The following NKAIN2 variants were observed in gnomAD, a reference collection of about 807,000 sequenced individuals.
NKAIN2 encodes sodium/potassium-transporting ATPase subunit beta-1-interacting protein 2.
Under a neutral mutation model 32.6 loss-of-function variants are expected in NKAIN2, and 14 were observed. The ratio of observed to expected loss-of-function variants is 0.43; its 90% CI spans 0.28 to 0.67. The LOEUF is 0.67. Among genes scored for constraint, NKAIN2 ranks in the 30% least tolerant of loss-of-function variants. NKAIN2 has a pLI of 0.17. For missense variants in NKAIN2, 198 were observed against 258.3 expected, an observed-to-expected ratio of 0.77 and a Z score of 1.60; for synonymous variants, 80 against 87.2, an observed-to-expected ratio of 0.92 and a Z score of 0.46.
At chr6:124,358,763 G>T (rs1292980526) in intron 3 of NKAIN2, among the ~76,000 whole-genome samples, 1 of 151,408 alleles carries the variant, frequency 6.6e-6, no homozygotes, top group African/African-American at 2.4e-5. Context: ...CTGTGCAGAA[G>T]CTCTTTAGTT....
chr6:124,038,681 C>T (rs1781719380), intron 1 of NKAIN2, among the ~76,000 whole-genome samples: 3 of 152,190 alleles, frequency 2.0e-5, no homozygotes, highest in South Asian at 2.1e-4. Flanking sequence ...CCGAATTTAG[C>T]TTATAGTTTC....
rs79061730 is a variant in NKAIN2 at position 124,680,383 on chromosome 6, G to A, written c.474+21997G>A. On this transcript the variant is annotated intron_variant, in intron 4 of 6. Coordinates refer to ENST00000368417, the MANE Select transcript of NKAIN2 (RefSeq NM_001040214.3). ...ATCTAGTTTTAGTGTCAAATAATTA[G>A]ATAGCTTCTCATGAACTCATTCAAA... Among the ~76,000 whole-genome samples the A allele has an allele frequency of 7.9e-3, 1,202 of 152,162 alleles. 6 individuals are homozygous for A. The highest frequency in any genetic ancestry group is 0.014 in the Non-Finnish European group (968 of 67,946).
intron 2 of NKAIN2, among the ~76,000 whole-genome samples, chr6:124,325,695 T>A (rs1314868367): frequency 6.6e-6 from 1 of 152,132 alleles, no homozygotes; most frequent in Non-Finnish European, 1.5e-5. Flanking sequence ...AAAACTAAGC[T>A]ATATTGACAT....
At chr6:124,081,782 C>T (rs115228521) in intron 1 of NKAIN2, among the ~76,000 whole-genome samples, 4,442 of 151,972 alleles carry the variant, frequency 0.029, 201 homozygotes, top group African/African-American at 0.098. Flanking sequence ...TTACTTTAGG[C>T]AATCCAGTTA....
At chr6:124,582,873 A>G (rs1267737233) in intron 3 of NKAIN2, among the ~76,000 whole-genome samples, 1 of 152,196 alleles carries the variant, frequency 6.6e-6, no homozygotes, top group African/African-American at 2.4e-5. Flanking sequence ...CAAAAACCAC[A>G]TGATTATTTC....
intron 1 of NKAIN2, among the ~76,000 whole-genome samples, chr6:123,857,265 T>TC (rs1775591287): frequency 6.7e-6 from 1 of 150,360 alleles, no homozygotes; most frequent in South Asian, 2.1e-4. Flanking sequence ...GATTTAGATT[T>TC]TTTTTTTTTT....
chr6:124,621,418 T>C (rs1562288705), intron 3 of NKAIN2, among the ~76,000 whole-genome samples: 1 of 152,218 alleles, frequency 6.6e-6, no homozygotes, highest in Non-Finnish European at 1.5e-5. Context: ...TCAGTCTTTC[T>C]TCTCTCCTAC....
chr6:123,940,739 T>TTGAG (rs1335868424), intron 1 of NKAIN2, among the ~76,000 whole-genome samples: 4 of 151,956 alleles, frequency 2.6e-5, no homozygotes, highest in African/African-American at 7.2e-5. Flanking sequence ...GGACGTTGCT[T>TTGAG]TGAGTGAGTG....
chr6:124,079,748 T>C (rs573707054), intron 1 of NKAIN2, among the ~76,000 whole-genome samples: 35 of 152,322 alleles, frequency 2.3e-4, no homozygotes, highest in African/African-American at 7.2e-4. Flanking sequence ...CTTCTTGTTC[T>C]GGGCATGCCA....
intron 3 of NKAIN2, among the ~76,000 whole-genome samples, chr6:124,602,687 T>C (rs540881938): frequency 7.2e-5 from 11 of 152,100 alleles, no homozygotes; most frequent in African/African-American, 2.6e-4. Flanking sequence ...ACTTTTAACT[T>C]TCTACTTTGG....
chr6:124,137,931 A>C (rs1425630757), intron 1 of NKAIN2, among the ~76,000 whole-genome samples: 1 of 152,146 alleles, frequency 6.6e-6, no homozygotes, highest in African/African-American at 2.4e-5. Flanking sequence ...ACATTGGTAA[A>C]ACTCTTGTAA....
chr6:123,822,196 G>A (rs114853792), intron 1 of NKAIN2, among the ~76,000 whole-genome samples: 8 of 151,874 alleles, frequency 5.3e-5, no homozygotes, highest in Non-Finnish European at 7.4e-5. Context: ...CTTTGCACTC[G>A]GATGACTGTT....
chr6:124,759,635 A>G (rs1562367663), intron 4 of NKAIN2, among the ~76,000 whole-genome samples: 2 of 107,854 alleles, frequency 1.9e-5, no homozygotes, highest in Non-Finnish European at 4.3e-5. Flanking sequence ...ACACACACAC[A>G]CACACACACA....
intron 1 of NKAIN2, among the ~76,000 whole-genome samples, chr6:123,926,295 G>A (rs1192438522): frequency 6.6e-6 from 1 of 152,112 alleles, no homozygotes; most frequent in Non-Finnish European, 1.5e-5. Flanking sequence ...AGTCTTTGTG[G>A]ATATCAGGAA....
chr6:124,789,436 G>A (rs1428512252), intron 4 of NKAIN2, among the ~76,000 whole-genome samples: 2 of 151,828 alleles, frequency 1.3e-5, no homozygotes, highest in African/African-American at 4.8e-5. Context: ...CAATACCAAG[G>A]GGATTTAACC....
intron 1 of NKAIN2, among the ~76,000 whole-genome samples, chr6:123,858,704 C>T (rs866444968): frequency 2.0e-5 from 3 of 152,136 alleles, no homozygotes; most frequent in Non-Finnish European, 2.9e-5. Context: ...GGGCCACCAT[C>T]AAAATCAGAG....
At chr6:124,700,328 T>C (rs953548677) in intron 4 of NKAIN2, among the ~76,000 whole-genome samples, 6 of 152,152 alleles carry the variant, frequency 3.9e-5, no homozygotes, top group African/African-American at 1.4e-4. Flanking sequence ...TCCCTCTGAA[T>C]TGATTAGTAT....
intron 1 of NKAIN2, among the ~76,000 whole-genome samples, chr6:123,847,880 G>C (rs1775157913): frequency 6.6e-6 from 1 of 152,104 alleles, no homozygotes; most frequent in African/African-American, 2.4e-5. Flanking sequence ...AGAATCTTCT[G>C]TCTTTAAATC....
At chr6:124,453,571 G>C (rs1166425433) in intron 3 of NKAIN2, among the ~76,000 whole-genome samples, 1 of 151,622 alleles carries the variant, frequency 6.6e-6, no homozygotes, top group Non-Finnish European at 1.5e-5. Flanking sequence ...CCAATATGCA[G>C]CATTTTAAAT....
Sources: gnomAD v4.1 joint callset for allele counts (sites outside exome capture counted in the v4.1 genomes callset) on GRCh38, gnomAD v4.1.1 for gene constraint, MANE v1.5 for transcripts, NCBI Gene and HGNC (gene_info 2026-07-23, HGNC 2026-07-21) for gene names.